The following RSU1 variants were observed in gnomAD, a reference collection of about 807,000 sequenced individuals.
The protein encoded by RSU1 is Ras suppressor protein 1.
A neutral mutation model predicts 31.1 loss-of-function variants in RSU1; 26 were observed. The observed-to-expected ratio is 0.84, with a 90% confidence interval of 0.61 to 1.16. The LOEUF is 1.16. Ranked by LOEUF, RSU1 falls within the 50% of genes most tolerant of loss-of-function variation. RSU1 has a pLI of 0.00. For missense variants in RSU1, 320 were observed against 339.1 expected, an observed-to-expected ratio of 0.94 and a Z score of 0.44; for synonymous variants, 164 against 136.3, an observed-to-expected ratio of 1.20 and a Z score of -1.41.
At chr10:16,632,552 TC>T (rs1834270394) in intron 8 of RSU1, among the ~76,000 whole-genome samples, 2 of 152,192 alleles carry the variant, frequency 1.3e-5, no homozygotes, top group South Asian at 4.1e-4. Context: ...TGCCCCTGCA[TC>T]CTATCACAAC....
intron 7 of RSU1, among the ~76,000 whole-genome samples, chr10:16,730,233 G>T (rs191367632): frequency 6.6e-6 from 1 of 152,090 alleles, no homozygotes; most frequent in African/African-American, 2.4e-5. Context: ...AGAGGGATCC[G>T]CCCCAATGTC....
chr10:16,725,621 C>T (rs1237817612), intron 7 of RSU1, among the ~76,000 whole-genome samples: 1 of 151,960 alleles, frequency 6.6e-6, no homozygotes, highest in African/African-American at 2.4e-5. Context: ...TCTTGCCCTT[C>T]TGCCTTCTGT....
Position 16,738,063 on chromosome 10 carries a change from A to G in RSU1, c.598+14476T>C, listed in dbSNP as rs556746233. Among the ~76,000 whole-genome samples, 4 of 152,348 alleles carry G rather than the reference A, an allele frequency of 2.6e-5. No homozygotes were observed. In the East Asian group the frequency reaches 5.8e-4, roughly 22 times the overall value. ...CAGGCCCCAGGTCTTACAAAAGAAA[A>G]TATTTGAAACTGAATGATAATGAAA... On this transcript the variant is annotated intron_variant, in intron 7 of 8. Coordinates refer to ENST00000345264, the MANE Select transcript of RSU1 (RefSeq NM_012425.4).
chr10:16,629,475 T>C lies in RSU1; in HGVS notation c.732-35979A>G, dbSNP rs539441011. ...CCTTTCTGGCTCAGGGGAGGGAGAATTGAGGTCACTGAATTACTGCATGGT... is the reference window on the plus strand; with the variant it reads ...CCTTTCTGGCTCAGGGGAGGGAGAACTGAGGTCACTGAATTACTGCATGGT... On this transcript the variant is annotated intron_variant, in intron 8 of 8. Transcript: ENST00000345264. Among the ~76,000 whole-genome samples the C allele has an allele frequency of 4.6e-5, 7 of 152,138 alleles. 1 individual carries two copies. The highest frequency in any genetic ancestry group is 1.7e-4 in the African/African-American group (7 of 41,462).
chr10:16,757,101 G>T (rs1837108627), intron 4 of RSU1, among the ~76,000 whole-genome samples: 1 of 150,762 alleles, frequency 6.6e-6, no homozygotes, highest in Non-Finnish European at 1.5e-5. Context: ...GTGCGTGTGG[G>T]TATGTGTGGG....
At chr10:16,603,065 C>A (rs1034983212) in intron 8 of RSU1, among the ~76,000 whole-genome samples, 6 of 152,096 alleles carry the variant, frequency 3.9e-5, no homozygotes, top group East Asian at 3.9e-4. Context: ...GAGATCAAAC[C>A]TCCAAGAGAT....
intron 7 of RSU1, among the ~76,000 whole-genome samples, chr10:16,696,285 T>C (rs1041001509): frequency 1.3e-5 from 2 of 152,178 alleles, no homozygotes; most frequent in Non-Finnish European, 1.5e-5. Flanking sequence ...TTTTCATAGA[T>C]GGTAACTCAG....
At chr10:16,810,907 C>T (rs1190561800) in intron 2 of RSU1, among the ~76,000 whole-genome samples, 4 of 151,988 alleles carry the variant, frequency 2.6e-5, no homozygotes, top group Admixed American at 6.6e-5. Context: ...CTGTAATCTA[C>T]GCTACTTGGG....
intron 8 of RSU1, among the ~76,000 whole-genome samples, chr10:16,659,277 C>G (rs1031325623): frequency 2.0e-5 from 3 of 149,568 alleles, no homozygotes; most frequent in Admixed American, 1.3e-4. Context: ...GGTAAGAAAC[C>G]CTTCTCTACT....
At chr10:16,728,058 C>A (rs773074449) in intron 7 of RSU1, among the ~76,000 whole-genome samples, 3 of 152,144 alleles carry the variant, frequency 2.0e-5, no homozygotes, top group Non-Finnish European at 4.4e-5. Flanking sequence ...TTCAAAACTG[C>A]CAGTAAGGCA....
intron 7 of RSU1, among the ~76,000 whole-genome samples, chr10:16,745,938 A>G (rs117275295): frequency 1.5e-3 from 228 of 152,346 alleles, no homozygotes; most frequent in Admixed American, 2.4e-3. Context: ...ACTTATAATC[A>G]GGGACTTAAT....
At chr10:16,600,429 A>C (rs903781402) in intron 8 of RSU1, among the ~76,000 whole-genome samples, 3 of 152,096 alleles carry the variant, frequency 2.0e-5, no homozygotes, top group Admixed American at 2.0e-4. Context: ...GCAACTGACC[A>C]CTACCGCCTG....
At chr10:16,618,826 G>T (rs1160118913) in intron 8 of RSU1, among the ~76,000 whole-genome samples, 1 of 152,142 alleles carries the variant, frequency 6.6e-6, no homozygotes, top group Non-Finnish European at 1.5e-5. Flanking sequence ...GGGGCCCGTG[G>T]TGGGGTAGGG....
At chr10:16,679,398 T>G (rs1436693076) in intron 8 of RSU1, among the ~76,000 whole-genome samples, 1 of 152,192 alleles carries the variant, frequency 6.6e-6, no homozygotes, top group Non-Finnish European at 1.5e-5. Flanking sequence ...ATACAAGGCA[T>G]ACAATGTCTG....
intron 4 of RSU1, among the ~76,000 whole-genome samples, chr10:16,758,630 C>T (rs996347013): frequency 8.5e-5 from 13 of 152,212 alleles, no homozygotes; most frequent in African/African-American, 2.9e-4. Context: ...AGGGCAGGAT[C>T]ACTGAGAGGA....
intron 4 of RSU1, among the ~76,000 whole-genome samples, chr10:16,756,770 G>A (rs1046365719): frequency 2.1e-4 from 32 of 152,206 alleles, no homozygotes; most frequent in Non-Finnish European, 4.1e-4. Flanking sequence ...TGTTGCTCCC[G>A]CAACCCATGT....
At chr10:16,693,754 T>C (rs1835615222) in intron 8 of RSU1, among the ~76,000 whole-genome samples, 3 of 152,044 alleles carry the variant, frequency 2.0e-5, no homozygotes, top group Non-Finnish European at 4.4e-5. Flanking sequence ...CCCAGCTACT[T>C]GGAAGGCTGA....
At chr10:16,765,033 CACAA>C (rs1344812470) in intron 3 of RSU1, among the ~76,000 whole-genome samples, 1 of 151,920 alleles carries the variant, frequency 6.6e-6, no homozygotes, top group African/African-American at 2.4e-5. Context: ...ATTTCTGTAC[CACAA>C]ACAGTCTATA....
intron 2 of RSU1, among the ~76,000 whole-genome samples, chr10:16,785,008 T>C (rs140435596): frequency 1.1e-3 from 170 of 152,296 alleles, no homozygotes; most frequent in African/African-American, 4.0e-3. Flanking sequence ...GGTGGTGTGA[T>C]GGTTAATACT....
Sources: gnomAD v4.1 joint callset for allele counts (sites outside exome capture counted in the v4.1 genomes callset) on GRCh38, gnomAD v4.1.1 for gene constraint, MANE v1.5 for transcripts, NCBI Gene and HGNC (gene_info 2026-07-23, HGNC 2026-07-21) for gene names.